The following SPTBN5 variants were observed in gnomAD, a reference collection of about 807,000 sequenced individuals.
SPTBN5 encodes spectrin beta chain, non-erythrocytic 5.
SPTBN5 carries 513 observed loss-of-function variants against 477.6 expected under a neutral mutation model. The observed-to-expected ratio is 1.07, with a 90% CI of 1.00 to 1.16. The LOEUF (loss-of-function observed/expected upper bound fraction) is 1.16. Ranked by LOEUF, SPTBN5 falls within the 50% of genes most tolerant of loss-of-function variation. The probability of loss-of-function intolerance (pLI) is 0.00; values close to 1 mark genes in which losing one functional copy is unlikely to be tolerated. For missense variants in SPTBN5, 5,062 were observed against 4,731.8 expected, an observed-to-expected ratio of 1.07 and a Z score of -2.05; for synonymous variants, 2,169 against 2,011.7, an observed-to-expected ratio of 1.08 and a Z score of -2.09.
rs76003397 is a variant in SPTBN5 at position 41,881,115 on chromosome 15, G to A, written c.2577C>T (p.Asp859=). The A allele has an allele frequency of 0.021, 33,596 of 1,613,458 alleles. 424 individuals are homozygous for A. The highest frequency in any genetic ancestry group is 0.024 in the Non-Finnish European group (28,589 of 1,179,706). ...AWKMALPAEP[D]PDFDPNTILQ... ...GTATAGTGTTGGGATCAAAGTCAGG[G>A]TCAGGCTCAGCTGGGAGGGCCATCT... The change falls in exon 13 of 68, where the codon GAC becomes GAT. Residue 859 remains aspartate (D), a synonymous_variant. Transcript: ENST00000320955.
chr15:41,859,720 T>A (rs2066038649), intron 47 of SPTBN5, among the ~76,000 whole-genome samples: 1 of 152,080 alleles, frequency 6.6e-6, no homozygotes, highest in Admixed American at 6.6e-5. Flanking sequence ...CTAAGGTGAC[T>A]GGGGTAGGGG....
Position 41,882,037 on chromosome 15 carries a change from G to A in SPTBN5, c.2356C>T (p.Arg786Cys). 2 of 1,549,294 alleles carry A rather than the reference G, an allele frequency of 1.3e-6. No homozygotes were observed. Among genetic ancestry groups the A allele is most frequent in the Non-Finnish European group, 1.7e-6 (2 of 1,158,908 alleles). The change falls in exon 12 of 68, where the codon CGC becomes TGC. Residue 786 changes from arginine to cysteine, a missense_variant. Coordinates refer to ENST00000320955, the MANE Select transcript of SPTBN5 (RefSeq NM_016642.4). ...AGGACGCGCTCCAGCCGCACGTGGC[G>A]CCTCAGCAGGGTCTCGGCGGCCGCC... The part of the protein sequence containing the change: ...DQAAAETLLR[R>C]HVRLERVLRA...
chr15:41,866,699 T>G, intron 36 of SPTBN5: 1 of 747,084 alleles, frequency 1.3e-6, no homozygotes, highest in East Asian at 3.0e-5. Flanking sequence ...GTTTTGGAGG[T>G]GTGGCCCCTA....
At chr15:41,874,225 G>C in intron 24 of SPTBN5, 67 bp downstream of exon 24, 2 of 1,549,668 alleles carry the variant, frequency 1.3e-6, no homozygotes, top group Non-Finnish European at 1.8e-6. Flanking sequence ...ACCTGAGTAG[G>C]GGCAGAGGGT....
In SPTBN5 at chr15:41,868,485, C is replaced by T. The variant is rs375029179; in HGVS notation, c.5970G>A (p.Ala1990=). The T allele has an allele frequency of 6.6e-5, 107 of 1,611,268 alleles. No homozygotes were observed. Among genetic ancestry groups the T allele is most frequent in the Middle Eastern group, 3.3e-4 (2 of 6,082 alleles). Residue 1990 remains alanine (A), a synonymous_variant, in exon 33 of 68, where the codon GCG becomes GCA. Coordinates refer to ENST00000320955, the MANE Select transcript of SPTBN5 (RefSeq NM_016642.4). The part of the protein sequence containing the change: ...LKLSAHQWLR[A]ELEAREKLWQ... The stretch of plus-strand genomic sequence containing the variant: ...ACAGCTTCTCCCGGGCCTCCAGCTC[C>T]GCCCGGAGCCACTGGTGGGCACTGA...
chr15:41,893,233 C>G (rs1311306295), intron 2 of SPTBN5, 49 bp downstream of exon 2: 4 of 1,611,228 alleles, frequency 2.5e-6, no homozygotes, highest in Non-Finnish European at 2.5e-6. Flanking sequence ...CTGGCCAGAG[C>G]TGGGGGCCTG....
Position 41,848,240 on chromosome 15 carries a change from C to CA in SPTBN5, c.*375dup. On this transcript the variant is annotated 3_prime_UTR_variant, in exon 68 of 68. Transcript: ENST00000320955. The stretch of plus-strand genomic sequence containing the variant: ...GGCAAGGGCTGGTACAGAGCTCGCT[C>CA]ATCAGTGTTCTTCCTCCGAAGAGCA... 1 of 494,544 alleles carries CA rather than the reference C, an allele frequency of 2.0e-6. No homozygotes were observed. The highest frequency in any genetic ancestry group is 2.2e-5 in the South Asian group (1 of 44,838). 30.6% of individuals were successfully genotyped at this position (494,544 alleles called of 1,614,324 possible).
In SPTBN5 at chr15:41,866,887, C is replaced by T. The variant is rs372889842; in HGVS notation, c.6480+72G>A. On this transcript the variant is annotated intron_variant, in intron 36 of 67. Transcript: ENST00000320955. ...AACCTGTTTCCGCCTCACAGTGTTG[C>T]GGTGTGAAGGCGGCTGAAAACTGTC... The T allele has an allele frequency of 1.8e-5, 27 of 1,468,538 alleles. No individual in the cohort carries two copies. The Admixed American group carries it at 3.6e-4, about 20-fold the overall frequency. 91.0% of individuals were successfully genotyped at this position (1,468,538 alleles called of 1,614,324 possible). A position where few individuals can be genotyped will look rare whatever the true frequency, so the allele number is the denominator to read the frequency against.
chr15:41,856,541 C>A lies in SPTBN5; in HGVS notation c.8866G>T (p.Gly2956Trp). 1 of 1,602,042 alleles carries A rather than the reference C, an allele frequency of 6.2e-7. No individual in the cohort carries two copies. The highest frequency in any genetic ancestry group is 2.2e-5 in the East Asian group (1 of 44,458). The change falls in exon 53 of 68, where the codon GGG becomes TGG. Residue 2956 changes from glycine (G) to tryptophan (W), a missense_variant. By Grantham distance (184) the Gly-to-Trp change is radical. Transcript: ENST00000320955. ...EALTRVVLGT[G>W]YKLVQAGHFA... ...TGCCCAGCCTGCACCAGCTTGTACC[C>A]AGTGCCCAGCACCACCCGGGTCAGA...
chr15:41,877,444 T>G, intron 17 of SPTBN5, 88 bp from the exon 18 acceptor site: 1 of 1,495,290 alleles, frequency 6.7e-7, no homozygotes, highest in Non-Finnish European at 8.9e-7. Flanking sequence ...TCACGCATCT[T>G]GGATCATGAA....
chr15:41,876,977 C>T, intron 18 of SPTBN5, 29 bp from the exon 19 acceptor site: 1 of 1,591,388 alleles, frequency 6.3e-7, no homozygotes, highest in Non-Finnish European at 8.5e-7. Context: ...GAGGTCATGC[C>T]TGGGAGAATG....
At chr15:41,867,707 C>A in intron 34 of SPTBN5, 65 bp from the exon 35 acceptor site, 1 of 1,491,054 alleles carries the variant, frequency 6.7e-7, no homozygotes, top group South Asian at 1.1e-5. Flanking sequence ...CAGCTGCAGT[C>A]TGTGCCCATG....
At position 41,848,599 on chromosome 15, in the gene SPTBN5, T is replaced by C; in HGVS notation, c.*17A>G. 1 of 1,613,904 alleles carries C rather than the reference T, an allele frequency of 6.2e-7. No homozygotes were observed. Among genetic ancestry groups the C allele is most frequent in the South Asian group, 1.1e-5 (1 of 91,076 alleles). On this transcript the variant is annotated 3_prime_UTR_variant, in exon 68 of 68. Transcript: ENST00000320955. ...TCGCTTGTGCCCCTGAAGTTTGGTGTTGCACTGGGGTTCACCTCAGGGATC... is the reference window on the plus strand; with the variant it reads ...TCGCTTGTGCCCCTGAAGTTTGGTGCTGCACTGGGGTTCACCTCAGGGATC...
rs773854449 is a variant in SPTBN5 at position 41,855,675 on chromosome 15, G to A, written c.9092C>T (p.Ala3031Val). ...VLDSEDMGHS[A>V]EATQALLRRL... The stretch of plus-strand genomic sequence containing the variant: ...CCGCAGAAGGGCCTGTGTGGCTTCA[G>A]CACTGTGGCCCATGTCCTCGCTGTC... The change falls in exon 54 of 68, where the codon GCT (alanine) becomes GTT (valine). Residue 3031 changes from alanine (A) to valine (V), a missense_variant. Transcript: ENST00000320955. 58 of 1,605,118 alleles carry A rather than the reference G, an allele frequency of 3.6e-5. No individual in the cohort carries two copies. Among genetic ancestry groups the A allele is most frequent in the Non-Finnish European group, 4.1e-5 (48 of 1,177,782 alleles).
Position 41,882,568 on chromosome 15 carries a change from G to T in SPTBN5, c.2046+17C>A. 1 of 1,585,060 alleles carries T rather than the reference G, an allele frequency of 6.3e-7. No individual in the cohort carries two copies. The highest frequency in any genetic ancestry group is 8.6e-7 in the Non-Finnish European group (1 of 1,168,348). On this transcript the variant is annotated intron_variant, in intron 10 of 67. Transcript: ENST00000320955. ...CAAGGCGCTGGCGACCGGCGGGCGC[G>T]CTCGGGGAGCTGACACCTTGTGTTT... is the stretch of plus-strand genomic sequence containing the variant.
chr15:41,852,192 C>A lies in SPTBN5; in HGVS notation c.10574G>T (p.Arg3525Met), dbSNP rs747831754. The change falls in exon 62 of 68, where the codon AGG (arginine) becomes ATG (methionine). Residue 3525 changes from arginine (R) to methionine (M), a missense_variant. Physicochemically the swap from Arg to Met is moderately conservative, Grantham distance 91. Coordinates refer to ENST00000320955, the MANE Select transcript of SPTBN5 (RefSeq NM_016642.4). ...CATAGGGACACCTGCCTGGGGGTCC[C>A]TCGTCTCAGCCAGCTGTGCTCCTAG... Reference protein sequence around the residue: ...QGLGAQLAETRDPQDAKGTPT... With the variant: ...QGLGAQLAETMDPQDAKGTPT... 1.9e-6 allele frequency: 3 copies of A among 1,594,740 alleles called. No homozygotes were observed. The African/African-American group carries it at 4.0e-5, about 21-fold the overall frequency.
chr15:41,886,378 C>A lies in SPTBN5; in HGVS notation c.889-12G>T. The A allele has an allele frequency of 6.3e-7, 1 of 1,581,182 alleles. No individual in the cohort carries two copies. Among genetic ancestry groups the A allele is most frequent in the South Asian group, 1.2e-5 (1 of 86,630 alleles). ...AGCTGAAGCAGGATCTGGTGGAGGG[C>A]ATAGGAAGGGGTCAGGGTCCTTCTC... On this transcript the variant is annotated splice_polypyrimidine_tract_variant and intron_variant, in intron 6 of 67. Transcript: ENST00000320955.
intron 34 of SPTBN5, 43 bp downstream of exon 34, chr15:41,868,026 G>A (rs764349521): frequency 3.8e-6 from 6 of 1,559,986 alleles, no homozygotes; most frequent in Non-Finnish European, 8.6e-7. Context: ...TAGAAAGGAG[G>A]AGCAGGAGGC....
intron 1 of SPTBN5, 62 bp from the exon 2 acceptor site, chr15:41,893,608 G>A (rs905821167): frequency 6.8e-7 from 1 of 1,460,464 alleles, no homozygotes; most frequent in Non-Finnish European, 9.0e-7. Context: ...CAGGGGCCTG[G>A]GGTCCCGCCT....
Sources: gnomAD v4.1 joint callset for allele counts (sites outside exome capture counted in the v4.1 genomes callset) on GRCh38, gnomAD v4.1.1 for gene constraint, MANE v1.5 for transcripts, NCBI Gene and HGNC (gene_info 2026-07-23, HGNC 2026-07-21) for gene names.